MTCL2: variants seen among roughly 807,000 people sequenced by gnomAD.
MTCL2 encodes microtubule crosslinking factor 2.
the MTCL2 span, among the ~76,000 whole-genome samples, chr20:36,812,357 C>G: frequency 6.6e-6 from 1 of 152,192 alleles, no homozygotes; most frequent in Non-Finnish European, 1.5e-5. Flanking sequence ...AGAGTGGATC[C>G]ACAATTGAAA....
the MTCL2 span, chr20:36,839,495 C>A: frequency 9.0e-6 from 14 of 1,552,804 alleles, no homozygotes; most frequent in Admixed American, 2.3e-4. The surrounding 1 kb of genome is among the most constrained non-coding windows in gnomAD (Gnocchi z 5.1). Context: ...AGCTAGGAGG[C>A]CGGAGTACTG....
the MTCL2 span, chr20:36,793,397 T>C: frequency 4.5e-6 from 7 of 1,551,464 alleles, no homozygotes; most frequent in African/African-American, 1.4e-5. The surrounding 1 kb of genome is among the most constrained non-coding windows in gnomAD (Gnocchi z 6.8). Context: ...TGGCTGATGG[T>C]AGCTGGCTGG....
the MTCL2 span, chr20:36,812,886 TGG>T: frequency 6.3e-7 from 1 of 1,592,072 alleles, no homozygotes; most frequent in Non-Finnish European, 8.5e-7. Flanking sequence ...AAGATCACCA[TGG>T]GGAGGGGCCC....
chr20:36,819,483 GGACCAGTTCTT>G, the MTCL2 span, among the ~76,000 whole-genome samples: 1 of 152,084 alleles, frequency 6.6e-6, no homozygotes, highest in Admixed American at 6.5e-5. Context: ...AGCTGACCTG[GGACCAGTTCTT>G]GACATAGCTC....
the MTCL2 span, among the ~76,000 whole-genome samples, chr20:36,822,886 T>C: frequency 6.6e-6 from 1 of 151,988 alleles, no homozygotes; most frequent in African/African-American, 2.4e-5. Flanking sequence ...GCCTCCTGAG[T>C]AGCCGAGACT....
the MTCL2 span, among the ~76,000 whole-genome samples, chr20:36,824,943 CTTT>C: frequency 1.4e-5 from 2 of 141,682 alleles, no homozygotes; most frequent in South Asian, 2.3e-4. Flanking sequence ...GAATTGTACA[CTTT>C]TTTTTTTTTT....
chr20:36,862,707 C>A, the MTCL2 span: 1 of 1,500,690 alleles, frequency 6.7e-7, no homozygotes, highest in Non-Finnish European at 8.9e-7. Context: ...CCGCACCAAG[C>A]CGCTGGGCCC....
At chr20:36,794,786 C>A in the MTCL2 span, 1 of 700,738 alleles carries the variant, frequency 1.4e-6, no homozygotes, top group East Asian at 2.8e-5. This position sits in a 1 kb window ranked among gnomAD's most constrained non-coding sequence, Gnocchi z 5.4. Flanking sequence ...TTTTTTTTCT[C>A]CCAAACAGGT....
the MTCL2 span, chr20:36,862,956 T>C: frequency 7.1e-7 from 1 of 1,399,128 alleles, no homozygotes; most frequent in Non-Finnish European, 9.3e-7. Context: ...CAGGCGCGCC[T>C]CCTCCGACGC....
At chr20:36,797,458 G>A in the MTCL2 span, 2 of 1,545,564 alleles carry the variant, frequency 1.3e-6, no homozygotes, top group Non-Finnish European at 1.8e-6. Context: ...CCTTTATGGT[G>A]CAGCCAGGAG....
At chr20:36,863,152 C>A in the MTCL2 span, 54 of 1,372,628 alleles carry the variant, frequency 3.9e-5, no homozygotes, top group Non-Finnish European at 5.1e-5. The surrounding 1 kb of genome is among the most constrained non-coding windows in gnomAD (Gnocchi z 6.2). Context: ...GAGGAGAACG[C>A]GGCGCTGCAG....
chr20:36,828,880 A>C, the MTCL2 span: 2 of 671,816 alleles, frequency 3.0e-6, no homozygotes, highest in South Asian at 4.0e-5. Context: ...CACAATTTAC[A>C]CAGTAGGTGC....
the MTCL2 span, among the ~76,000 whole-genome samples, chr20:36,819,638 T>C: frequency 1.7e-4 from 26 of 149,462 alleles, no homozygotes; most frequent in African/African-American, 3.9e-4. Context: ...GAAAAAATAC[T>C]GGTGGTCTGA....
At chr20:36,857,573 C>T in the MTCL2 span, among the ~76,000 whole-genome samples, 2 of 152,104 alleles carry the variant, frequency 1.3e-5, no homozygotes, top group African/African-American at 2.4e-5. Context: ...ACAGGCTCAG[C>T]CCCAAGGAGG....
the MTCL2 span, chr20:36,794,380 T>TG: frequency 6.2e-7 from 1 of 1,612,746 alleles, no homozygotes; most frequent in Non-Finnish European, 8.5e-7. The surrounding 1 kb of genome is among the most constrained non-coding windows in gnomAD (Gnocchi z 5.4). Context: ...TCTGCCTCCC[T>TG]GGGGGGTCCT....
At chr20:36,801,181 C>T in the MTCL2 span, among the ~76,000 whole-genome samples, 1 of 152,126 alleles carries the variant, frequency 6.6e-6, no homozygotes, top group African/African-American at 2.4e-5. Context: ...GCTGGGACTA[C>T]AGGCACACAT....
the MTCL2 span, chr20:36,794,514 T>C: frequency 1.4e-5 from 22 of 1,613,928 alleles, 1 homozygote; most frequent in Non-Finnish European, 1.7e-6. This position sits in a 1 kb window ranked among gnomAD's most constrained non-coding sequence, Gnocchi z 5.4. Flanking sequence ...TTAGGCAGCT[T>C]CTTGCCCCGG....
chr20:36,857,092 G>A, the MTCL2 span, among the ~76,000 whole-genome samples: 4 of 152,130 alleles, frequency 2.6e-5, no homozygotes, highest in Non-Finnish European at 5.9e-5. Flanking sequence ...CTTGTGCCTG[G>A]GCCAGCCTGG....
At chr20:36,856,254 G>A in the MTCL2 span, among the ~76,000 whole-genome samples, 1 of 152,182 alleles carries the variant, frequency 6.6e-6, no homozygotes, top group African/African-American at 2.4e-5. Flanking sequence ...ACAGCCACTT[G>A]AGGCTAACTC....
Sources: allele counts gnomAD v4.1 joint callset (sites outside exome capture counted in the v4.1 genomes callset), GRCh38; gene constraint gnomAD v4.1.1; non-coding constraint Gnocchi (gnomAD v3.1); transcripts MANE v1.5; gene names NCBI Gene and HGNC (gene_info 2026-07-23, HGNC 2026-07-21).